The following PAN3 variants were observed in gnomAD, a reference collection of about 807,000 sequenced individuals.
PAN3 encodes the protein PAN2-PAN3 deadenylation complex subunit PAN3.
A neutral mutation model predicts 96.2 loss-of-function variants in PAN3; 19 were observed. The ratio of observed to expected loss-of-function variants is 0.20; its 90% CI spans 0.14 to 0.29. The LOEUF (loss-of-function observed/expected upper bound fraction) is 0.29, where lower values mean the gene tolerates loss of function less well. PAN3 is among the 10% of genes least tolerant of loss of function. The pLI, the probability that PAN3 is intolerant of heterozygous loss-of-function variation, is 1.00. For synonymous variants in PAN3, 433 were observed against 406.6 expected, an observed-to-expected ratio of 1.06 and a Z score of -0.78; for missense variants, 882 against 1,108.1, an observed-to-expected ratio of 0.80 and a Z score of 2.90.
rs576517233 is a variant in PAN3 at position 28,159,383 on chromosome 13, T to C, written c.431-14889T>C. ...ACCAAATACCACATGTTCTCACTTA[T>C]AAGTGGGAACTAAATATTGAGTATA... On this transcript the variant is annotated intron_variant, in intron 1 of 18. Coordinates refer to ENST00000380958, the MANE Select transcript of PAN3 (RefSeq NM_175854.8). Among the ~76,000 whole-genome samples the C allele has an allele frequency of 5.3e-5, 8 of 152,322 alleles. No homozygotes were observed. In the South Asian group the frequency reaches 8.3e-4, roughly 16 times the overall value.
rs540173034 is a variant in PAN3 at position 28,285,662 on chromosome 13, A to T, written c.2385-2322A>T. On this transcript the variant is annotated intron_variant, in intron 17 of 18. Coordinates refer to ENST00000380958, the MANE Select transcript of PAN3 (RefSeq NM_175854.8). ...GTTAGACCTTTGCAATTGATTTTCA[A>T]ATATTCTCTTCTATTTTCTATCTCT... 5.3e-5 allele frequency among the ~76,000 whole-genome samples: 8 copies of T among 152,190 alleles called. No homozygotes were observed. The South Asian group carries it at 1.7e-3, about 32-fold the overall frequency.
At chr13:28,214,165 T>A (rs1177665707) in intron 5 of PAN3, among the ~76,000 whole-genome samples, 1 of 152,158 alleles carries the variant, frequency 6.6e-6, no homozygotes, top group Non-Finnish European at 1.5e-5. Context: ...TATACGTACG[T>A]ATTATATGCC....
chr13:28,288,192 A>G (rs1869220932), intron 18 of PAN3, 70 bp downstream of exon 18: 1 of 1,346,182 alleles, frequency 7.4e-7, no homozygotes, highest in Non-Finnish European at 1.0e-6. Flanking sequence ...ATCTTCTACA[A>G]ATACTAGGAA....
chr13:28,264,783 A>G (rs953145469), intron 9 of PAN3, among the ~76,000 whole-genome samples: 8 of 152,152 alleles, frequency 5.3e-5, no homozygotes, highest in Non-Finnish European at 8.8e-5. Flanking sequence ...TAGAATTGTG[A>G]GTTCTTGGAT....
chr13:28,210,437 G>C (rs1212940623), intron 5 of PAN3, among the ~76,000 whole-genome samples: 2 of 152,080 alleles, frequency 1.3e-5, no homozygotes, highest in African/African-American at 4.8e-5. Context: ...GGAAATACTA[G>C]TAATTAGCTT....
At chr13:28,146,870 G>C (rs1593354617) in intron 1 of PAN3, among the ~76,000 whole-genome samples, 1 of 152,064 alleles carries the variant, frequency 6.6e-6, no homozygotes, top group Non-Finnish European at 1.5e-5. Context: ...AGTTACTAGG[G>C]AGGCTGAGGC....
At chr13:28,198,038 C>T (rs535428298) in intron 5 of PAN3, among the ~76,000 whole-genome samples, 1 of 151,720 alleles carries the variant, frequency 6.6e-6, no homozygotes, top group Non-Finnish European at 1.5e-5. Context: ...TCTGGGAGGC[C>T]GAGGAAGGCG....
chr13:28,140,300 T>C (rs1388848886), intron 1 of PAN3, among the ~76,000 whole-genome samples: 1 of 152,160 alleles, frequency 6.6e-6, no homozygotes, highest in Non-Finnish European at 1.5e-5. Context: ...AATGTTGCCT[T>C]TACGAATAGA....
intron 4 of PAN3, among the ~76,000 whole-genome samples, chr13:28,185,035 G>T (rs536105309): frequency 3.9e-5 from 6 of 152,146 alleles, no homozygotes; most frequent in African/African-American, 1.4e-4. Flanking sequence ...AAAATAACAT[G>T]GAAATCTCTG....
At position 28,197,212 on chromosome 13, in the gene PAN3, G is replaced by T; in HGVS notation, c.718G>T (p.Glu240Ter). 1.2e-6 allele frequency: 2 copies of T among 1,613,216 alleles called. No individual in the cohort carries two copies. The highest frequency in any genetic ancestry group is 1.7e-6 in the Non-Finnish European group (2 of 1,179,546). ...KPRKYRLGMLEERLVPMGSKA... is the reference protein window; with the variant it reads ...KPRKYRLGML ...AAGGAAGTATCGCCTGGGGATGCTG[G>T]AGGAGAGGCTAGTTCCGATGGGATC... is the stretch of plus-strand genomic sequence containing the variant. The change falls in exon 5 of 19, where the codon GAG becomes TAG. Residue 240 changes from glutamate to a stop codon, truncating the protein, a stop_gained. Transcript: ENST00000380958. LOFTEE classifies it high-confidence loss of function.
At chr13:28,263,371 C>CACCCAGGCTGGAGTACTGG (rs1885893878) in intron 9 of PAN3, among the ~76,000 whole-genome samples, 1 of 152,218 alleles carries the variant, frequency 6.6e-6, no homozygotes, top group Non-Finnish European at 1.5e-5. Flanking sequence ...ATCTTGCTGT[C>CACCCAGGCTGGAGTACTGG]ACCCAGGCTG....
chr13:28,255,599 A>C (rs1885074598), intron 6 of PAN3, among the ~76,000 whole-genome samples: 1 of 152,168 alleles, frequency 6.6e-6, no homozygotes, highest in African/African-American at 2.4e-5. Flanking sequence ...ACTAGAACAT[A>C]ATGGTATCAA....
intron 13 of PAN3, 71 bp from the exon 14 acceptor site, chr13:28,271,906 GTTAC>G: frequency 1.9e-6 from 2 of 1,043,616 alleles, no homozygotes. Flanking sequence ...TTTGGGAAAT[GTTAC>G]TTTTCCATGA....
chr13:28,150,379 A>G (rs896795931), intron 1 of PAN3, among the ~76,000 whole-genome samples: 2 of 152,184 alleles, frequency 1.3e-5, no homozygotes, highest in African/African-American at 4.8e-5. Context: ...TAATCCCAGC[A>G]CTTTGGGAGG....
At chr13:28,259,515 A>G (rs2138609961) in intron 7 of PAN3, among the ~76,000 whole-genome samples, 1 of 151,990 alleles carries the variant, frequency 6.6e-6, no homozygotes, top group East Asian at 1.9e-4. Flanking sequence ...CATGTTAGCC[A>G]GGATAATTTT....
At chr13:28,230,900 A>C (rs1882486079) in intron 6 of PAN3, among the ~76,000 whole-genome samples, 1 of 152,214 alleles carries the variant, frequency 6.6e-6, no homozygotes, top group Non-Finnish European at 1.5e-5. Flanking sequence ...TTTTCAACCA[A>C]AACAGTTATA....
At chr13:28,235,884 A>T (rs1272475298) in intron 6 of PAN3, among the ~76,000 whole-genome samples, 1 of 146,346 alleles carries the variant, frequency 6.8e-6, no homozygotes, top group African/African-American at 2.6e-5. Flanking sequence ...GCTGATTTTT[A>T]AATTTTTTTT....
At chr13:28,196,984 A>G (rs1878133283) in intron 4 of PAN3, among the ~76,000 whole-genome samples, 1 of 152,114 alleles carries the variant, frequency 6.6e-6, no homozygotes, top group African/African-American at 2.4e-5. Flanking sequence ...TTAGCCCATT[A>G]GGAGTGTGGG....
chr13:28,209,696 A>G (rs2138313507), intron 5 of PAN3, among the ~76,000 whole-genome samples: 1 of 152,116 alleles, frequency 6.6e-6, no homozygotes, highest in Non-Finnish European at 1.5e-5. Flanking sequence ...TTGCTAGATC[A>G]AGGGCATGCT....
Sources: allele counts gnomAD v4.1 joint callset (sites outside exome capture counted in the v4.1 genomes callset), GRCh38; gene constraint gnomAD v4.1.1; transcripts MANE v1.5; gene names NCBI Gene and HGNC (gene_info 2026-07-23, HGNC 2026-07-21).